The following AFF2 variants were observed in gnomAD, a reference collection of about 807,000 sequenced individuals.
AFF2 encodes AF4/FMR2 family member 2.
AFF2 carries 14 observed loss-of-function variants against 76.9 expected under a neutral mutation model. That is an observed-to-expected ratio of 0.18 (90% CI 0.12 to 0.28). The LOEUF (loss-of-function observed/expected upper bound fraction) is 0.28. Among genes scored for constraint, AFF2 ranks in the 10% least tolerant of loss-of-function variants. AFF2 has a pLI of 1.00. For missense variants in AFF2, 868 were observed against 1,001.1 expected (o/e 0.87, Z 1.79); for synonymous variants, 398 against 366.7 (o/e 1.09, Z -0.98).
intron 1 of AFF2, among the ~76,000 whole-genome samples, chrX:148,572,753 G>C (rs2053243849): frequency 9.0e-6 from 1 of 111,304 alleles, no homozygotes; most frequent in African/African-American, 3.3e-5. Flanking sequence ...GGGCTGCTGG[G>C]AGGGGAGAAT....
chrX:148,582,638 G>C (rs782556419), intron 1 of AFF2, among the ~76,000 whole-genome samples: 8 of 111,877 alleles, frequency 7.2e-5, no homozygotes, highest in Non-Finnish European at 1.5e-4. Context: ...ATTCATTCCT[G>C]CTGAGAACAT....
At chrX:148,966,685 T>G (rs1347453654) in intron 13 of AFF2, 105 bp from the exon 14 acceptor site, 13 of 1,128,502 alleles carry the variant, frequency 1.2e-5, no homozygotes, top group Non-Finnish European at 1.4e-5. Context: ...TTCTTTTTTT[T>G]TTTTTTTGCC....
intron 9 of AFF2, among the ~76,000 whole-genome samples, chrX:148,938,688 C>T (rs1569557268): frequency 8.9e-6 from 1 of 112,240 alleles, no homozygotes; most frequent in Non-Finnish European, 1.9e-5. Context: ...CAGTTGATGT[C>T]ATGCCCTTTC....
At chrX:148,684,159 A>T (rs2054577487) in intron 3 of AFF2, among the ~76,000 whole-genome samples, 1 of 112,290 alleles carries the variant, frequency 8.9e-6, no homozygotes, top group Non-Finnish European at 1.9e-5. Context: ...AATAAGAGTT[A>T]TGACAAAAGA....
chrX:148,956,646 G>T, intron 11 of AFF2, 33 bp downstream of exon 11: 2 of 1,151,072 alleles, frequency 1.7e-6, no homozygotes, highest in Non-Finnish European at 2.3e-6. Flanking sequence ...CCAAGTGCTT[G>T]TGAGCAGTGT....
intron 3 of AFF2, among the ~76,000 whole-genome samples, chrX:148,737,971 C>T (rs187541791): frequency 8.2e-4 from 92 of 111,677 alleles, no homozygotes; most frequent in Admixed American, 1.3e-3. Flanking sequence ...GTGAAACCCA[C>T]TAGATCATGG....
At chrX:148,669,057 C>A (rs1557258809) in intron 3 of AFF2, among the ~76,000 whole-genome samples, 2 of 111,598 alleles carry the variant, frequency 1.8e-5, no homozygotes. Flanking sequence ...CCTAAATCAT[C>A]TCTCTTAAGT....
intron 1 of AFF2, among the ~76,000 whole-genome samples, chrX:148,633,792 A>G (rs1557253363): frequency 8.9e-6 from 1 of 112,615 alleles, no homozygotes; most frequent in Non-Finnish European, 1.9e-5. Context: ...ATTCATGAGC[A>G]TTTTAAGTGA....
chrX:148,606,649 TC>T (rs2053675449), intron 1 of AFF2, among the ~76,000 whole-genome samples: 2 of 111,927 alleles, frequency 1.8e-5, no homozygotes, highest in Admixed American at 1.9e-4. Context: ...TTTTTCAGTT[TC>T]TATACCATAC....
At chrX:148,982,315 G>A (rs782485604) in intron 19 of AFF2, among the ~76,000 whole-genome samples, 2 of 111,890 alleles carry the variant, frequency 1.8e-5, no homozygotes, top group Non-Finnish European at 3.8e-5. Flanking sequence ...GTTATGTCTC[G>A]TTCATTCAGC....
At chrX:148,753,651 C>T (rs1299119488) in intron 3 of AFF2, among the ~76,000 whole-genome samples, 1 of 111,988 alleles carries the variant, frequency 8.9e-6, no homozygotes, top group East Asian at 2.8e-4. Flanking sequence ...TTTTAATCTC[C>T]TGTAGCTATG....
intron 3 of AFF2, among the ~76,000 whole-genome samples, chrX:148,711,485 G>A (rs898997273): frequency 4.5e-5 from 5 of 111,809 alleles, no homozygotes; most frequent in Non-Finnish European, 9.4e-5. Context: ...AAGTTTTATT[G>A]CACTGTATTT....
At chrX:148,690,901 A>G (rs2054644291) in intron 3 of AFF2, among the ~76,000 whole-genome samples, 1 of 111,673 alleles carries the variant, frequency 9.0e-6, no homozygotes, top group South Asian at 3.8e-4. Context: ...TGGCTTGTAG[A>G]TGGCCACATT....
At chrX:148,846,214 A>G (rs1343913987) in intron 7 of AFF2, among the ~76,000 whole-genome samples, 2 of 111,868 alleles carry the variant, frequency 1.8e-5, no homozygotes, top group African/African-American at 6.5e-5. Flanking sequence ...CATTCATGCC[A>G]TGACATCCTA....
At chrX:148,850,667 A>G (rs781964785) in intron 7 of AFF2, among the ~76,000 whole-genome samples, 3 of 112,758 alleles carry the variant, frequency 2.7e-5, no homozygotes, top group Non-Finnish European at 5.6e-5. Context: ...GATCAGAGAT[A>G]CTTTTCATGT....
At chrX:148,616,947 C>A (rs1569552220) in intron 1 of AFF2, among the ~76,000 whole-genome samples, 1 of 111,476 alleles carries the variant, frequency 9.0e-6, no homozygotes, top group African/African-American at 3.3e-5. Context: ...TGTATATGTG[C>A]CACATTTTCT....
chrX:148,574,440 C>T (rs1273357907), intron 1 of AFF2, among the ~76,000 whole-genome samples: 1 of 111,465 alleles, frequency 9.0e-6, no homozygotes, highest in African/African-American at 3.3e-5. Flanking sequence ...GTCAGAAACA[C>T]CCAGCAAACT....
At chrX:148,854,344 C>T (rs1053520742) in intron 7 of AFF2, among the ~76,000 whole-genome samples, 10 of 111,132 alleles carry the variant, frequency 9.0e-5, no homozygotes, top group East Asian at 2.8e-4. Context: ...GGCTGTAGTT[C>T]GAAGCAGAGC....
chrX:148,862,858 C>T (rs535320840), intron 7 of AFF2, among the ~76,000 whole-genome samples: 2 of 112,188 alleles, frequency 1.8e-5, no homozygotes, highest in African/African-American at 6.5e-5. Flanking sequence ...TATTTCTTAT[C>T]TCATTCACAT....
Sources: gnomAD v4.1 joint callset for allele counts (sites outside exome capture counted in the v4.1 genomes callset) on GRCh38, gnomAD v4.1.1 for gene constraint, MANE v1.5 for transcripts, NCBI Gene and HGNC (gene_info 2026-07-23, HGNC 2026-07-21) for gene names.